GNAL: variants seen among roughly 807,000 people sequenced by gnomAD.
GNAL encodes the protein G protein subunit alpha L.
A neutral mutation model predicts 55.1 loss-of-function variants in GNAL; 18 were observed. That is an observed-to-expected ratio of 0.33 (90% confidence interval 0.23 to 0.48). The LOEUF (loss-of-function observed/expected upper bound fraction) is 0.48. Among genes scored for constraint, GNAL ranks in the 20% least tolerant of loss-of-function variants. The probability of loss-of-function intolerance (pLI) is 0.99; values close to 1 mark genes in which losing one functional copy is unlikely to be tolerated. For missense variants in GNAL, 412 were observed against 614.1 expected (o/e 0.67, Z 3.48); for synonymous variants, 253 against 237.0 (o/e 1.07, Z -0.62).
At chr18:11,835,589 G>A (rs954028256) in intron 5 of GNAL, among the ~76,000 whole-genome samples, 1 of 152,148 alleles carries the variant, frequency 6.6e-6, no homozygotes, top group African/African-American at 2.4e-5. Context: ...ATAATAAAAT[G>A]TAGGGGGAAT....
At chr18:11,840,935 A>G (rs2035600881) in intron 5 of GNAL, among the ~76,000 whole-genome samples, 1 of 143,020 alleles carries the variant, frequency 7.0e-6, no homozygotes, top group Admixed American at 7.2e-5. Flanking sequence ...AGTCAGTGCT[A>G]CGATCACAGC....
At chr18:11,699,202 A>G (rs1162348044) in intron 1 of GNAL, among the ~76,000 whole-genome samples, 2 of 151,686 alleles carry the variant, frequency 1.3e-5, no homozygotes, top group Admixed American at 6.6e-5. Context: ...TTATTTATTT[A>G]TTTATTTACT....
At chr18:11,775,571 A>G (rs1598447490) in intron 4 of GNAL, among the ~76,000 whole-genome samples, 1 of 152,226 alleles carries the variant, frequency 6.6e-6, no homozygotes, top group Non-Finnish European at 1.5e-5. Context: ...ACCCAAAAAG[A>G]TTCCTCTAAG....
At chr18:11,730,201 C>G (rs1001912869) in intron 1 of GNAL, among the ~76,000 whole-genome samples, 6 of 151,094 alleles carry the variant, frequency 4.0e-5, no homozygotes, top group Admixed American at 4.0e-4. Flanking sequence ...CCTCTGTCAC[C>G]CAAGCTGGAG....
intron 2 of GNAL, chr18:11,753,413 A>AT (rs1278886258): frequency 2.0e-6 from 1 of 511,374 alleles, no homozygotes; most frequent in African/African-American, 1.9e-5. Context: ...TTTTAAAAAA[A>AT]TGTGTGCATT....
chr18:11,863,928 G>T (rs2143846226), intron 6 of GNAL, among the ~76,000 whole-genome samples: 2 of 152,322 alleles, frequency 1.3e-5, no homozygotes, highest in East Asian at 3.9e-4. Flanking sequence ...GAATGCTGAT[G>T]CCCTGACTGT....
chr18:11,722,415 A>C (rs2032115180), intron 1 of GNAL, among the ~76,000 whole-genome samples: 1 of 152,182 alleles, frequency 6.6e-6, no homozygotes, highest in Admixed American at 6.5e-5. Flanking sequence ...GATATGTATT[A>C]TATATTCTTC....
intron 5 of GNAL, among the ~76,000 whole-genome samples, chr18:11,847,625 A>G (rs2035768597): frequency 6.6e-6 from 1 of 152,156 alleles, no homozygotes; most frequent in South Asian, 2.1e-4. Context: ...CTGCACTTTA[A>G]TCAAAAATTT....
chr18:11,864,845 A>T (rs1346630082), intron 7 of GNAL, among the ~76,000 whole-genome samples: 3 of 152,112 alleles, frequency 2.0e-5, no homozygotes, highest in Non-Finnish European at 4.4e-5. Flanking sequence ...TGTTGATTTG[A>T]TTGGCCCTTT....
chr18:11,707,634 A>G (rs1053532940), intron 1 of GNAL, among the ~76,000 whole-genome samples: 2 of 152,210 alleles, frequency 1.3e-5, no homozygotes, highest in Admixed American at 6.5e-5. Flanking sequence ...TTAGCACCTA[A>G]CAAGAAGTCA....
At chr18:11,788,936 T>TATATATATATATACAC (rs1219351502) in intron 4 of GNAL, among the ~76,000 whole-genome samples, 1 of 128,898 alleles carries the variant, frequency 7.8e-6, no homozygotes, top group African/African-American at 3.2e-5. Context: ...TATATATATA[T>TATATATATATATACAC]ACACATATAT....
chr18:11,735,398 AAG>A (rs1191563244), intron 1 of GNAL, among the ~76,000 whole-genome samples: 1 of 152,110 alleles, frequency 6.6e-6, no homozygotes, highest in African/African-American at 2.4e-5. Context: ...GAGCTCAATG[AAG>A]AGAGTGATGA....
intron 1 of GNAL, among the ~76,000 whole-genome samples, chr18:11,744,657 C>T (rs1227698907): frequency 3.3e-5 from 5 of 152,226 alleles, no homozygotes; most frequent in Non-Finnish European, 7.3e-5. Flanking sequence ...CTATAGCTTT[C>T]GGCTTCTTGG....
chr18:11,876,515 G>T, intron 10 of GNAL, 106 bp from the exon 11 acceptor site: 1 of 751,044 alleles, frequency 1.3e-6, no homozygotes, highest in East Asian at 2.5e-5. Context: ...GTATTTTAAT[G>T]CTGGGAATAT....
chr18:11,779,587 A>G (rs1183158463), intron 4 of GNAL, among the ~76,000 whole-genome samples: 1 of 152,172 alleles, frequency 6.6e-6, no homozygotes, highest in Non-Finnish European at 1.5e-5. Context: ...ACCATCCTAC[A>G]AACAATCAGA....
At chr18:11,812,199 G>T (rs187936955) in intron 4 of GNAL, among the ~76,000 whole-genome samples, 24 of 152,342 alleles carry the variant, frequency 1.6e-4, no homozygotes, top group Non-Finnish European at 3.4e-4. Flanking sequence ...TGTGGGAACT[G>T]ATTAGTAAAA....
chr18:11,803,093 A>C (rs1244200854), intron 4 of GNAL, among the ~76,000 whole-genome samples: 1 of 152,172 alleles, frequency 6.6e-6, no homozygotes, highest in Non-Finnish European at 1.5e-5. Context: ...TATAACATAA[A>C]TTTTACCATC....
chr18:11,751,374 A>T lies in GNAL; in HGVS notation c.377-1479A>T. ...AGTTCGAGGCCACAGTGCCTTCTGG[A>T]AGAGTTGTTGTGCTGCTTGGGAGCA... is the stretch of plus-strand genomic sequence containing the variant. On this transcript the variant is annotated intron_variant, in intron 1 of 11. Transcript: ENST00000334049. The surrounding 1 kb of genome is among the most constrained non-coding windows in gnomAD (Gnocchi z 4.5). The T allele has an allele frequency of 2.9e-6, 1 of 344,754 alleles. No individual in the cohort carries two copies. The highest frequency in any genetic ancestry group is 4.1e-6 in the Non-Finnish European group (1 of 244,024). 21.4% of individuals were successfully genotyped at this position (344,754 alleles called of 1,614,324 possible). A position where few individuals can be genotyped will look rare whatever the true frequency, so the allele number is the denominator to read the frequency against.
chr18:11,822,392 C>A (rs1432890611), intron 4 of GNAL, among the ~76,000 whole-genome samples: 1 of 152,194 alleles, frequency 6.6e-6, no homozygotes, highest in Non-Finnish European at 1.5e-5. Flanking sequence ...ATCGCTTGAG[C>A]CTAAGAGTTG....
Sources: gnomAD v4.1 joint callset for allele counts (sites outside exome capture counted in the v4.1 genomes callset) on GRCh38, gnomAD v4.1.1 for gene constraint, Gnocchi (gnomAD v3.1) non-coding constraint, MANE v1.5 for transcripts, NCBI Gene and HGNC (gene_info 2026-07-23, HGNC 2026-07-21) for gene names.